The following PLPPR1 variants were observed in gnomAD, a reference collection of about 807,000 sequenced individuals.
The protein encoded by PLPPR1 is phospholipid phosphatase related 1.
PLPPR1 carries 10 observed loss-of-function variants against 33.1 expected under a neutral mutation model. The ratio of observed to expected loss-of-function variants is 0.30; its 90% CI spans 0.19 to 0.51. The LOEUF is 0.51. Among genes scored for constraint, PLPPR1 ranks in the 20% least tolerant of loss-of-function variants. PLPPR1 has a pLI of 0.97. For synonymous variants in PLPPR1, 151 were observed against 151.0 expected (o/e 1.00, Z 0.00); for missense variants, 304 against 408.1 (o/e 0.74, Z 2.20).
chr9:101,230,422 C>G (rs1487390411), intron 2 of PLPPR1, among the ~76,000 whole-genome samples: 2 of 152,098 alleles, frequency 1.3e-5, no homozygotes, highest in Non-Finnish European at 1.5e-5. Context: ...TGTTCTTCCC[C>G]TGGGATGCAA....
rs566331517 is a variant in PLPPR1 at position 101,269,236 on chromosome 9, C to T, written c.64-644C>T. 2.3e-3 allele frequency among the ~76,000 whole-genome samples: 352 copies of T among 151,738 alleles called. 2 individuals are homozygous for T. Among genetic ancestry groups the T allele is most frequent in the African/African-American group, 8.3e-3 (344 of 41,362 alleles). On this transcript the variant is annotated intron_variant, in intron 2 of 7. Coordinates refer to ENST00000374874, the MANE Select transcript of PLPPR1 (RefSeq NM_207299.2). ...TCTAAATCTTACGAAGGCTATATTT[C>T]TATAATAAGATACGATCATCAGCAA... is the stretch of plus-strand genomic sequence containing the variant.
intron 1 of PLPPR1, among the ~76,000 whole-genome samples, chr9:101,076,963 G>A (rs1830545947): frequency 6.6e-6 from 1 of 152,126 alleles, no homozygotes; most frequent in African/African-American, 2.4e-5. Flanking sequence ...AGTTATATGA[G>A]GGTATTTTGT....
At chr9:101,164,984 G>A (rs1825835067) in intron 1 of PLPPR1, among the ~76,000 whole-genome samples, 1 of 152,058 alleles carries the variant, frequency 6.6e-6, no homozygotes, top group South Asian at 2.1e-4. Flanking sequence ...CAAACTTTTA[G>A]TCACCCCTTC....
intron 1 of PLPPR1, among the ~76,000 whole-genome samples, chr9:101,129,631 A>G (rs10989414): frequency 0.47 from 71,027 of 152,036 alleles, 17,084 homozygotes; most frequent in Non-Finnish European, 0.53. Context: ...AGAGATCGAG[A>G]CCATCCTGGC....
chr9:101,075,977 A>C (rs556261715), intron 1 of PLPPR1, among the ~76,000 whole-genome samples: 42 of 152,298 alleles, frequency 2.8e-4, no homozygotes, highest in Admixed American at 1.8e-3. Context: ...GTTGAGGGTC[A>C]GAAAGAAGGC....
chr9:101,180,137 TATATATACAC>T (rs71356339), intron 1 of PLPPR1, among the ~76,000 whole-genome samples: 1,082 of 40,472 alleles, frequency 0.027, 3 homozygotes, highest in Non-Finnish European at 0.033. Flanking sequence ...TATATATATA[TATATATACAC>T]ACACACACAC....
rs146676689 is a variant in PLPPR1 at position 101,046,025 on chromosome 9, A to C, written c.-46+16923A>C. Among the ~76,000 whole-genome samples the C allele has an allele frequency of 6.8e-4, 103 of 152,320 alleles. No homozygotes were observed. The East Asian group carries it at 0.018, about 26-fold the overall frequency. ...TCATAGCTTCTTCCAAAATTACAGAAATTTATATTAACTAACCAACACTGG... is the reference window on the plus strand; with the variant it reads ...TCATAGCTTCTTCCAAAATTACAGACATTTATATTAACTAACCAACACTGG... On this transcript the variant is annotated intron_variant, in intron 1 of 7. Transcript: ENST00000374874.
intron 1 of PLPPR1, among the ~76,000 whole-genome samples, chr9:101,175,591 CTCT>C (rs140160428): frequency 0.018 from 2,677 of 152,162 alleles, 85 homozygotes; most frequent in African/African-American, 0.06. Flanking sequence ...ATTTTTCAGT[CTCT>C]TCTTGATATC....
At chr9:101,116,682 G>A (rs4599875) in intron 1 of PLPPR1, among the ~76,000 whole-genome samples, 76,552 of 151,542 alleles carry the variant, frequency 0.51, 19,682 homozygotes, top group African/African-American at 0.59. Context: ...GTGGTGGTGC[G>A]TGCCTCTAGT....
At chr9:101,162,276 A>G (rs1831786617) in intron 1 of PLPPR1, among the ~76,000 whole-genome samples, 1 of 152,114 alleles carries the variant, frequency 6.6e-6, no homozygotes, top group Non-Finnish European at 1.5e-5. Flanking sequence ...ACAGCCTGAG[A>G]GTGCTTTGTC....
At chr9:101,302,560 A>G (rs1026202018) in intron 4 of PLPPR1, among the ~76,000 whole-genome samples, 45 of 152,298 alleles carry the variant, frequency 3.0e-4, no homozygotes, top group African/African-American at 1.1e-3. Context: ...AGCAAAAGTA[A>G]ACTGTATGTG....
intron 1 of PLPPR1, among the ~76,000 whole-genome samples, chr9:101,171,631 GA>G (rs775745886): frequency 3.3e-5 from 5 of 152,000 alleles, no homozygotes; most frequent in Non-Finnish European, 7.4e-5. Flanking sequence ...TATTTCTCTT[GA>G]AAGCTCAAAG....
At chr9:101,073,654 G>T (rs1369399045) in intron 1 of PLPPR1, among the ~76,000 whole-genome samples, 1 of 152,134 alleles carries the variant, frequency 6.6e-6, no homozygotes, top group Non-Finnish European at 1.5e-5. Context: ...TTTCGTATGG[G>T]CTTTGATGAT....
intron 3 of PLPPR1, among the ~76,000 whole-genome samples, chr9:101,279,047 A>G (rs1828249042): frequency 6.6e-6 from 1 of 152,218 alleles, no homozygotes; most frequent in Admixed American, 6.5e-5. Flanking sequence ...GTAAAACATG[A>G]TATCACCAAA....
intron 4 of PLPPR1, among the ~76,000 whole-genome samples, chr9:101,305,878 T>G (rs1828851232): frequency 6.6e-6 from 1 of 152,172 alleles, no homozygotes; most frequent in Non-Finnish European, 1.5e-5. Context: ...GGATCAAAGA[T>G]CCTAACTTGT....
chr9:101,225,310 T>A (rs972531635), intron 2 of PLPPR1, among the ~76,000 whole-genome samples: 5 of 152,202 alleles, frequency 3.3e-5, no homozygotes, highest in Non-Finnish European at 4.4e-5. Context: ...ATGACATCTT[T>A]AATGTTTCTT....
rs535280280 is a variant in PLPPR1, at chr9:101,177,255, C to T, written c.-45-8195C>T. Among the ~76,000 whole-genome samples, 21 of 152,158 alleles carry T rather than the reference C, an allele frequency of 1.4e-4. 1 individual carries two copies. The South Asian group carries it at 3.9e-3, about 29-fold the overall frequency. On this transcript the variant is annotated intron_variant, in intron 1 of 7. Coordinates refer to ENST00000374874, the MANE Select transcript of PLPPR1 (RefSeq NM_207299.2). Reference sequence around the variant, plus strand: ...TATTCCAATCCATGAACATGGGATGCCTTTTCTTTTTTGGTGTCTTCTTCA... The same window carrying T: ...TATTCCAATCCATGAACATGGGATGTCTTTTCTTTTTTGGTGTCTTCTTCA...
At chr9:101,257,123 A>G (rs751542222) in intron 2 of PLPPR1, among the ~76,000 whole-genome samples, 1 of 152,122 alleles carries the variant, frequency 6.6e-6, no homozygotes, top group Non-Finnish European at 1.5e-5. Context: ...CCACAATACC[A>G]GTAGGCCCTG....
intron 2 of PLPPR1, among the ~76,000 whole-genome samples, chr9:101,216,764 A>G (rs1341152229): frequency 6.6e-6 from 1 of 152,160 alleles, no homozygotes; most frequent in African/African-American, 2.4e-5. Flanking sequence ...TGTCCTGTGC[A>G]TTGTAACATG....
Sources: allele counts gnomAD v4.1 joint callset (sites outside exome capture counted in the v4.1 genomes callset), GRCh38; gene constraint gnomAD v4.1.1; transcripts MANE v1.5; gene names NCBI Gene and HGNC (gene_info 2026-07-23, HGNC 2026-07-21).